Variants in SLC24A2 observed in about 807,000 individuals in gnomAD.
The protein encoded by SLC24A2 is solute carrier family 24 member 2, also known as sodium/potassium/calcium exchanger 2.
In SLC24A2, 36 loss-of-function variants were observed where a neutral mutation model predicts 62.0. The observed-to-expected ratio is 0.58, with a 90% CI of 0.44 to 0.77. SLC24A2 has a LOEUF of 0.77. Ranked by LOEUF, SLC24A2 falls within the 30% of genes least tolerant of loss-of-function variation. The pLI is 0.00. For synonymous variants in SLC24A2, 358 were observed against 294.0 expected (o/e 1.22, Z -2.23); for missense variants, 846 against 817.9 (o/e 1.03, Z -0.42).
the SLC24A2 span, among the ~76,000 whole-genome samples, chr9:20,088,335 T>C: frequency 6.6e-6 from 1 of 152,174 alleles, no homozygotes; most frequent in Non-Finnish European, 1.5e-5. Flanking sequence ...CTTTGCTGTT[T>C]TGCAGCCTTA....
the SLC24A2 span, among the ~76,000 whole-genome samples, chr9:19,907,486 G>T: frequency 6.6e-6 from 1 of 152,158 alleles, no homozygotes; most frequent in Non-Finnish European, 1.5e-5. Flanking sequence ...GGGCAATCAG[G>T]CAGGAGAAGG....
chr9:19,947,347 CGGAA>C, the SLC24A2 span, among the ~76,000 whole-genome samples: 14 of 145,070 alleles, frequency 9.7e-5, no homozygotes, highest in African/African-American at 3.1e-4. Context: ...CTGTGGCTGC[CGGAA>C]GGAAGGAAGG....
At chr9:20,177,904 G>A in the SLC24A2 span, among the ~76,000 whole-genome samples, 6 of 152,034 alleles carry the variant, frequency 3.9e-5, no homozygotes, top group Non-Finnish European at 8.8e-5. Flanking sequence ...GGAGATTGCC[G>A]AGGGGACACG....
chr9:20,302,695 A>G, the SLC24A2 span, among the ~76,000 whole-genome samples: 2,285 of 152,134 alleles, frequency 0.015, 25 homozygotes, highest in Non-Finnish European at 0.021. Flanking sequence ...CATTCTCTTG[A>G]CTATGTCTTT....
chr9:20,235,477 G>T, the SLC24A2 span, among the ~76,000 whole-genome samples: 1 of 152,204 alleles, frequency 6.6e-6, no homozygotes, highest in African/African-American at 2.4e-5. Context: ...GTTTGATCTC[G>T]GATTGCTGTG....
At chr9:20,149,083 G>T in the SLC24A2 span, among the ~76,000 whole-genome samples, 5 of 152,078 alleles carry the variant, frequency 3.3e-5, no homozygotes, top group Non-Finnish European at 7.4e-5. Flanking sequence ...GCTTATATTT[G>T]TATCCAGGTT....
chr9:19,616,571 C>T (rs542059757), intron 4 of SLC24A2, among the ~76,000 whole-genome samples: 2 of 152,188 alleles, frequency 1.3e-5, no homozygotes, highest in Non-Finnish European at 2.9e-5. Flanking sequence ...TTTCTTCTCT[C>T]GCATGGTCAA....
the SLC24A2 span, among the ~76,000 whole-genome samples, chr9:19,826,921 A>C: frequency 1.6e-4 from 24 of 152,074 alleles, no homozygotes; most frequent in Non-Finnish European, 3.1e-4. Flanking sequence ...TCCTGGGAGC[A>C]GTTTGTTTCC....
the SLC24A2 span, among the ~76,000 whole-genome samples, chr9:20,119,878 T>C: frequency 1.3e-3 from 195 of 152,324 alleles, no homozygotes; most frequent in Middle Eastern, 3.4e-3. Flanking sequence ...ATTAACTTTA[T>C]ATTGCTGCTG....
chr9:19,715,059 A>G (rs922139270), intron 2 of SLC24A2, among the ~76,000 whole-genome samples: 2 of 152,086 alleles, frequency 1.3e-5, no homozygotes, highest in Non-Finnish European at 2.9e-5. Context: ...TACCACCACC[A>G]CCACCACCAA....
the SLC24A2 span, among the ~76,000 whole-genome samples, chr9:20,227,017 G>C: frequency 1.3e-5 from 2 of 152,254 alleles, no homozygotes; most frequent in Non-Finnish European, 2.9e-5. Context: ...CTTTCTAAGG[G>C]ATTAATTGCA....
chr9:20,256,670 C>A, the SLC24A2 span, among the ~76,000 whole-genome samples: 2 of 152,040 alleles, frequency 1.3e-5, no homozygotes, highest in African/African-American at 4.8e-5. Flanking sequence ...TTCTTAGGTT[C>A]AGGGGAGAGG....
the SLC24A2 span, among the ~76,000 whole-genome samples, chr9:20,264,148 G>A: frequency 6.6e-6 from 1 of 152,202 alleles, no homozygotes; most frequent in Non-Finnish European, 1.5e-5. Flanking sequence ...TGTAACAAAG[G>A]CAGTTAGGAG....
At chr9:19,757,136 C>A (rs897902418) in intron 2 of SLC24A2, among the ~76,000 whole-genome samples, 1 of 151,952 alleles carries the variant, frequency 6.6e-6, no homozygotes, top group African/African-American at 2.4e-5. Context: ...ATTCAATTTA[C>A]CAACTCACAA....
the SLC24A2 span, among the ~76,000 whole-genome samples, chr9:20,243,212 A>C: frequency 6.6e-6 from 1 of 152,224 alleles, no homozygotes; most frequent in Non-Finnish European, 1.5e-5. Flanking sequence ...AATTTTTAAA[A>C]AAATTATAAA....
the SLC24A2 span, among the ~76,000 whole-genome samples, chr9:20,181,248 GAA>G: frequency 2.8e-5 from 4 of 141,698 alleles, no homozygotes; most frequent in Admixed American, 7.1e-5. Flanking sequence ...TTTCTCATCT[GAA>G]AAAAAAAAAG....
the SLC24A2 span, among the ~76,000 whole-genome samples, chr9:19,828,975 C>G: frequency 6.6e-6 from 1 of 152,142 alleles, no homozygotes; most frequent in African/African-American, 2.4e-5. Flanking sequence ...CCCTGCAGCC[C>G]TCTCCTCTAC....
chr9:19,620,642 G>A (rs2117900610), intron 3 of SLC24A2, among the ~76,000 whole-genome samples: 1 of 152,264 alleles, frequency 6.6e-6, no homozygotes, highest in Admixed American at 6.5e-5. Flanking sequence ...GTATTTTGAT[G>A]GGTTTTTATC....
At chr9:20,177,830 T>C in the SLC24A2 span, among the ~76,000 whole-genome samples, 1 of 152,224 alleles carries the variant, frequency 6.6e-6, no homozygotes, top group Admixed American at 6.5e-5. Context: ...CACAATGACT[T>C]TGAAAGCAAG....
Sources: gnomAD v4.1 joint callset for allele counts (sites outside exome capture counted in the v4.1 genomes callset) on GRCh38, gnomAD v4.1.1 for gene constraint, MANE v1.5 for transcripts, NCBI Gene and HGNC (gene_info 2026-07-23, HGNC 2026-07-21) for gene names.